Variants in NIPAL1 observed in about 807,000 individuals in gnomAD.
The protein encoded by NIPAL1 is NIPA like domain containing 1, also known as magnesium transporter NIPA3.
Under a neutral mutation model 37.7 loss-of-function variants are expected in NIPAL1, and 35 were observed. That is an observed-to-expected ratio of 0.93 (90% CI 0.71 to 1.23). The LOEUF (loss-of-function observed/expected upper bound fraction) is 1.23. NIPAL1 is among the 50% of genes most tolerant of loss of function. NIPAL1 has a pLI of 0.00. For missense variants in NIPAL1, 412 were observed against 473.9 expected, an observed-to-expected ratio of 0.87 and a Z score of 1.21; for synonymous variants, 162 against 183.0, an observed-to-expected ratio of 0.89 and a Z score of 0.93.
intron 1 of NIPAL1, among the ~76,000 whole-genome samples, chr4:48,022,989 G>GA (rs1441273265): frequency 6.6e-6 from 1 of 151,702 alleles, no homozygotes; most frequent in Non-Finnish European, 1.5e-5. Context: ...CCCTGTCTCA[G>GA]AAAAAAAAGA....
At chr4:48,017,863 CAT>C (rs5858100) in intron 1 of NIPAL1, among the ~76,000 whole-genome samples, 2,109 of 151,018 alleles carry the variant, frequency 0.014, 42 homozygotes, top group African/African-American at 0.048. Flanking sequence ...TTCCCTTACA[CAT>C]ATATATATAT....
At chr4:48,029,709 A>G (rs1715779295) in intron 2 of NIPAL1, among the ~76,000 whole-genome samples, 1 of 152,234 alleles carries the variant, frequency 6.6e-6, no homozygotes, top group African/African-American at 2.4e-5. Context: ...AAAAATTGAC[A>G]TAACTTTTCT....
rs1715655367 is a variant in NIPAL1 at position 48,025,055 on chromosome 4, T to C, written c.47-13T>C. 6.2e-7 allele frequency: 1 copy of C among 1,610,320 alleles called. No homozygotes were observed. ...CTTTCATTCCTGACATTCTCTTCTTTCCTTTTTTCCAGGATATGTGCTGTC... is the reference window on the plus strand; with the variant it reads ...CTTTCATTCCTGACATTCTCTTCTTCCCTTTTTTCCAGGATATGTGCTGTC... On this transcript the variant is annotated splice_polypyrimidine_tract_variant and intron_variant, in intron 1 of 5. Coordinates refer to ENST00000295461, the MANE Select transcript of NIPAL1 (RefSeq NM_207330.3).
chr4:48,030,319 A>G, intron 3 of NIPAL1, 143 bp downstream of exon 3: 1 of 499,698 alleles, frequency 2.0e-6, no homozygotes, highest in Non-Finnish European at 3.6e-6. Context: ...TAGTCAATAT[A>G]TTGTCCTATA....
intron 1 of NIPAL1, among the ~76,000 whole-genome samples, chr4:48,021,437 T>C (rs1715565337): frequency 6.6e-6 from 1 of 152,206 alleles, no homozygotes; most frequent in African/African-American, 2.4e-5. Flanking sequence ...CACCTGTACA[T>C]AGAAGATAAA....
rs1715958741 is a variant in NIPAL1 at position 48,036,827 on chromosome 4, C to T, written c.*655C>T. The T allele has an allele frequency of 6.5e-6, 1 of 152,902 alleles. No individual in the cohort carries two copies. The highest frequency in any genetic ancestry group is 1.5e-5 in the Non-Finnish European group (1 of 68,612). 9.5% of individuals were successfully genotyped at this position (152,902 alleles called of 1,614,324 possible). A position where few individuals can be genotyped will look rare whatever the true frequency, so the allele number is the denominator to read the frequency against. On this transcript the variant is annotated 3_prime_UTR_variant, in exon 6 of 6. Coordinates refer to ENST00000295461, the MANE Select transcript of NIPAL1 (RefSeq NM_207330.3). The stretch of plus-strand genomic sequence containing the variant: ...CCTGTAGTTCCAGCCACCCGGGAGC[C>T]TGAGGTGGGAGGATTGCTTGAGTCT...
chr4:48,025,188 T>A lies in NIPAL1; in HGVS notation c.167T>A (p.Leu56Ter). Residue 56 changes from leucine (L) to a stop codon, truncating the protein, a stop_gained, in exon 2 of 6, where the codon TTG becomes TAG. Transcript: ENST00000295461. LOFTEE classifies it high-confidence loss of function. ...GACCTGAATTACAGCATAAACAACT[T>A]GAGCATTTCAGCAAATGTAGAAAAC... is the stretch of plus-strand genomic sequence containing the variant. ...YTDLNYSINN[L>*]SISANVENKY... 2 of 1,614,242 alleles carry A rather than the reference T, an allele frequency of 1.2e-6. No individual in the cohort carries two copies. The highest frequency in any genetic ancestry group is 8.5e-7 in the Non-Finnish European group (1 of 1,180,028).
At chr4:48,020,542 G>A (rs1715548926) in intron 1 of NIPAL1, among the ~76,000 whole-genome samples, 1 of 152,132 alleles carries the variant, frequency 6.6e-6, no homozygotes, top group Non-Finnish European at 1.5e-5. Flanking sequence ...TGTCCACCTG[G>A]GTTTGGCTCC....
chr4:48,025,773 T>C (rs1715672531), intron 2 of NIPAL1, among the ~76,000 whole-genome samples: 1 of 152,170 alleles, frequency 6.6e-6, no homozygotes, highest in Admixed American at 6.5e-5. Context: ...TTAGTCTCTA[T>C]CTTCTTGATG....
chr4:48,020,733 C>T (rs1715551505), intron 1 of NIPAL1, among the ~76,000 whole-genome samples: 2 of 152,170 alleles, frequency 1.3e-5, no homozygotes, highest in African/African-American at 4.8e-5. Flanking sequence ...AACTTACTTC[C>T]AGCCCAACAT....
chr4:48,024,909 C>T (rs1304639237), intron 1 of NIPAL1, among the ~76,000 whole-genome samples, 159 bp from the exon 2 acceptor site: 1 of 152,212 alleles, frequency 6.6e-6, no homozygotes, highest in African/African-American at 2.4e-5. Context: ...GCCAAATTGA[C>T]AGTGTCTATA....
At position 48,035,495 on chromosome 4, in the gene NIPAL1, C is replaced by T. The variant is rs532815636; in HGVS notation, c.623-67C>T. The stretch of plus-strand genomic sequence containing the variant: ...CCTATGCTCTTAAACTCATGACTAA[C>T]AAGATTTCAGAAAGGTATAATCCTG... On this transcript the variant is annotated intron_variant, in intron 5 of 5. Coordinates refer to ENST00000295461, the MANE Select transcript of NIPAL1 (RefSeq NM_207330.3). The T allele has an allele frequency of 1.5e-5, 22 of 1,459,992 alleles. No homozygotes were observed. The South Asian group carries it at 1.6e-4, about 11-fold the overall frequency. The allele number at this position is 1,459,992 out of a possible 1,614,324, so 90.4% of individuals were successfully genotyped here.
At position 48,030,119 on chromosome 4, in the gene NIPAL1, G is replaced by A. The variant is rs1447958598; in HGVS notation, c.314-1G>A. The A allele has an allele frequency of 6.3e-7, 1 of 1,596,670 alleles. No individual in the cohort carries two copies. ...GTTAATTTTTACTTTTTGTATTTTA[G>A]GACAAGGTGGACATTCTTACCTGAA... On this transcript the variant is annotated splice_acceptor_variant, in intron 2 of 5. Coordinates refer to ENST00000295461, the MANE Select transcript of NIPAL1 (RefSeq NM_207330.3). LOFTEE classifies it high-confidence loss of function.
At chr4:48,019,258 C>A (rs1715518875) in intron 1 of NIPAL1, among the ~76,000 whole-genome samples, 1 of 152,186 alleles carries the variant, frequency 6.6e-6, no homozygotes, top group South Asian at 2.1e-4. Context: ...AGTGATACTC[C>A]TACCTTGGCA....
rs1715988998 is a variant in NIPAL1 at position 48,037,847 on chromosome 4, T to G, written c.*1675T>G. 6.6e-6 allele frequency: 1 copy of G among 152,168 alleles called. No individual in the cohort carries two copies. Among genetic ancestry groups the G allele is most frequent in the Non-Finnish European group, 1.5e-5 (1 of 68,026 alleles). 9.4% of individuals were successfully genotyped at this position (152,168 alleles called of 1,614,324 possible). A position where few individuals can be genotyped will look rare whatever the true frequency, so the allele number is the denominator to read the frequency against. On this transcript the variant is annotated 3_prime_UTR_variant, in exon 6 of 6. Coordinates refer to ENST00000295461, the MANE Select transcript of NIPAL1 (RefSeq NM_207330.3). Reference sequence around the variant, plus strand: ...GACAGATTTACTGTCACTTATTGATTTTATGGAAAATAAATTGGCTATCTT... The same window carrying G: ...GACAGATTTACTGTCACTTATTGATGTTATGGAAAATAAATTGGCTATCTT...
Position 48,024,165 on chromosome 4 carries a change from G to T in NIPAL1, c.47-903G>T, listed in dbSNP as rs186040816. Reference sequence around the variant, plus strand: ...CGCTAATTTTTGTATTTTTAGTAGAGATGGGGTTTCACCATGTTGGCCAGG... The same window carrying T: ...CGCTAATTTTTGTATTTTTAGTAGATATGGGGTTTCACCATGTTGGCCAGG... On this transcript the variant is annotated intron_variant, in intron 1 of 5. Transcript: ENST00000295461. 5.4e-3 allele frequency among the ~76,000 whole-genome samples: 829 copies of T among 152,232 alleles called. 2 individuals carry two copies. Among genetic ancestry groups the T allele is most frequent in the Admixed American group, 0.011 (175 of 15,294 alleles).
At chr4:48,026,710 TA>T (rs1229749621) in intron 2 of NIPAL1, among the ~76,000 whole-genome samples, 1 of 150,906 alleles carries the variant, frequency 6.6e-6, no homozygotes, top group Non-Finnish European at 1.5e-5. Flanking sequence ...GAATTTAATT[TA>T]AAAATAAAAT....
rs768157903 is a variant in NIPAL1 at position 48,035,976 on chromosome 4, C to A, written c.1037C>A (p.Thr346Asn). 8.1e-6 allele frequency: 13 copies of A among 1,613,538 alleles called. No individual in the cohort carries two copies. In the African/African-American group the frequency reaches 1.7e-4, roughly 22 times the overall value. Residue 346 changes from threonine (T) to asparagine (N), a missense_variant, in exon 6 of 6, where the codon ACT becomes AAT. By Grantham distance (65) the Thr-to-Asn change is moderately conservative. Transcript: ENST00000295461. ...DIIGTLSGFFTIIIGIFLLHA... is the reference protein window; with the variant it reads ...DIIGTLSGFFNIIIGIFLLHA... ...ATTGGGACCCTGAGTGGATTCTTCA[C>A]TATTATCATTGGCATCTTCCTTCTA...
rs1716020320 is a variant in NIPAL1, at chr4:48,039,109, G to A, written c.*2937G>A. On this transcript the variant is annotated 3_prime_UTR_variant, in exon 6 of 6. Transcript: ENST00000295461. ...CACCTGTAATCCCAGCACTTTGGGA[G>A]GCTGAGGCGGGTAGATCACAAGGAC... 6.6e-6 allele frequency: 1 copy of A among 152,124 alleles called. No homozygotes were observed. Among genetic ancestry groups the A allele is most frequent in the South Asian group, 2.1e-4 (1 of 4,826 alleles). 9.4% of individuals were successfully genotyped at this position (152,124 alleles called of 1,614,324 possible).
Sources: gnomAD v4.1 joint callset for allele counts (sites outside exome capture counted in the v4.1 genomes callset) on GRCh38, gnomAD v4.1.1 for gene constraint, MANE v1.5 for transcripts, NCBI Gene and HGNC (gene_info 2026-07-23, HGNC 2026-07-21) for gene names.